PRMT3: variants seen among roughly 807,000 people sequenced by gnomAD.
PRMT3 encodes protein arginine N-methyltransferase 3.
PRMT3 carries 62 observed loss-of-function variants against 71.9 expected under a neutral mutation model. The observed-to-expected ratio is 0.86, with a 90% CI of 0.70 to 1.07. The LOEUF is 1.07. Ranked by LOEUF, PRMT3 falls within the 50% of genes least tolerant of loss-of-function variation. The pLI is 0.00. For synonymous variants in PRMT3, 213 were observed against 220.4 expected, an observed-to-expected ratio of 0.97 and a Z score of 0.30; for missense variants, 663 against 643.0, an observed-to-expected ratio of 1.03 and a Z score of -0.34.
intron 10 of PRMT3, among the ~76,000 whole-genome samples, chr11:20,446,399 A>G (rs1366619201): frequency 6.6e-6 from 1 of 151,478 alleles, no homozygotes; most frequent in East Asian, 1.9e-4. Context: ...GTGATGGAAA[A>G]TATACAAACG....
chr11:20,481,274 A>AAC (rs1034833944), intron 13 of PRMT3, among the ~76,000 whole-genome samples: 5 of 151,574 alleles, frequency 3.3e-5, no homozygotes, highest in Admixed American at 1.3e-4. Flanking sequence ...AAAAAAAAAA[A>AAC]AGTCTGAGAG....
Position 20,509,201 on chromosome 11 carries a change from T to G in PRMT3, c.*788T>G, listed in dbSNP as rs906462868. On this transcript the variant is annotated 3_prime_UTR_variant, in exon 16 of 16. Transcript: ENST00000331079. ...TAAACATGTAACTGTTACTAAGCAG[T>G]CTATAAAGTTGTCATTTACAATTAC... 6 of 152,194 alleles carry G rather than the reference T, an allele frequency of 3.9e-5. No homozygotes were observed. The highest frequency in any genetic ancestry group is 7.3e-5 in the Non-Finnish European group (5 of 68,028). The allele number at this position is 152,194 out of a possible 1,614,324, so 9.4% of individuals were successfully genotyped here.
At chr11:20,453,199 G>A (rs566623373) in intron 11 of PRMT3, among the ~76,000 whole-genome samples, 59 of 151,898 alleles carry the variant, frequency 3.9e-4, no homozygotes, top group Middle Eastern at 3.4e-3. Context: ...AAATCAGGCC[G>A]GCTGGGTGCA....
At chr11:20,399,900 A>G (rs1590034508) in intron 7 of PRMT3, among the ~76,000 whole-genome samples, 1 of 152,214 alleles carries the variant, frequency 6.6e-6, no homozygotes, top group East Asian at 1.9e-4. Flanking sequence ...AATCACTTAA[A>G]TATCATTCTT....
rs574479501 is a variant in PRMT3, at chr11:20,402,354, A to G, written c.706-565A>G. Among the ~76,000 whole-genome samples, 15 of 152,196 alleles carry G rather than the reference A, an allele frequency of 9.9e-5. No homozygotes were observed. In the East Asian group the frequency reaches 1.7e-3, roughly 18 times the overall value. On this transcript the variant is annotated intron_variant, in intron 7 of 15. Coordinates refer to ENST00000331079, the MANE Select transcript of PRMT3 (RefSeq NM_005788.4). ...GGCTGGTCTCGAACTCCTGACCTCA[A>G]GTGATCCTCTTGCCTCGGCCTCCCA...
At chr11:20,404,398 TA>T (rs1849027679) in intron 8 of PRMT3, among the ~76,000 whole-genome samples, 1 of 151,760 alleles carries the variant, frequency 6.6e-6, no homozygotes, top group Admixed American at 6.6e-5. Context: ...CACGCCCAGC[TA>T]ATTTTTGTAT....
intron 15 of PRMT3, among the ~76,000 whole-genome samples, 155 bp from the exon 16 acceptor site, chr11:20,508,149 T>TAAA (rs11338942): frequency 1.1e-4 from 14 of 122,856 alleles, no homozygotes; most frequent in African/African-American, 3.7e-4. Context: ...GACTCCATCT[T>TAAA]AAAAAAAAAA....
chr11:20,396,046 T>G, intron 6 of PRMT3, 84 bp downstream of exon 6: 1 of 1,242,580 alleles, frequency 8.0e-7, no homozygotes, highest in Non-Finnish European at 1.1e-6. Context: ...TAGTAGAACA[T>G]TTCATATACT....
chr11:20,481,870 CTG>C (rs925188352), intron 13 of PRMT3, among the ~76,000 whole-genome samples: 34 of 152,120 alleles, frequency 2.2e-4, no homozygotes, highest in African/African-American at 7.9e-4. Flanking sequence ...TTTTAAAAGT[CTG>C]TATTTTTTTC....
At chr11:20,453,318 T>TA (rs35130616) in intron 11 of PRMT3, among the ~76,000 whole-genome samples, 2,874 of 96,738 alleles carry the variant, frequency 0.03, 78 homozygotes, top group African/African-American at 0.086. Context: ...CCGTCTTTAC[T>TA]AAAAAAAAAA....
chr11:20,412,932 T>G (rs981426609), intron 9 of PRMT3, among the ~76,000 whole-genome samples: 1 of 152,122 alleles, frequency 6.6e-6, no homozygotes, highest in African/African-American at 2.4e-5. Context: ...AGTGAGACTC[T>G]GTTTCTATAG....
chr11:20,504,094 T>C (rs1001890829), intron 15 of PRMT3, among the ~76,000 whole-genome samples: 4 of 152,228 alleles, frequency 2.6e-5, no homozygotes, highest in African/African-American at 7.2e-5. Flanking sequence ...CATATGTGTA[T>C]TGGCCATTTT....
intron 9 of PRMT3, among the ~76,000 whole-genome samples, chr11:20,416,336 A>G (rs114534967): frequency 0.026 from 3,954 of 152,254 alleles, 165 homozygotes; most frequent in Admixed American, 0.12. Context: ...GACTACTATC[A>G]ACATTTTGGT....
chr11:20,406,607 A>G (rs977135588), intron 8 of PRMT3: 2 of 152,220 alleles, frequency 1.3e-5, no homozygotes, highest in African/African-American at 2.4e-5. Flanking sequence ...TGCTATTAAC[A>G]TAGGTATACA....
At chr11:20,441,472 AT>A (rs1203611626) in intron 10 of PRMT3, among the ~76,000 whole-genome samples, 2 of 150,970 alleles carry the variant, frequency 1.3e-5, no homozygotes, top group African/African-American at 2.4e-5. Flanking sequence ...TGCCCAGCTA[AT>A]TTTTTTTGTA....
chr11:20,429,392 G>A (rs1849609586), intron 10 of PRMT3, among the ~76,000 whole-genome samples: 1 of 152,158 alleles, frequency 6.6e-6, no homozygotes. Flanking sequence ...GTGTAGTCCA[G>A]TTCCTAACAG....
In PRMT3 at chr11:20,499,467, A is replaced by T. The variant is rs558099732; in HGVS notation, c.1486+5213A>T. Among the ~76,000 whole-genome samples, 3 of 152,242 alleles carry T rather than the reference A, an allele frequency of 2.0e-5. No individual in the cohort carries two copies. In the East Asian group the frequency reaches 5.8e-4, roughly 29 times the overall value. ...AAGACCCTGTCTCTAAAGAAAAAAAATTTTTTTTAATTAGCCAAGTGTGGT... is the reference window on the plus strand; with the variant it reads ...AAGACCCTGTCTCTAAAGAAAAAAATTTTTTTTTAATTAGCCAAGTGTGGT... On this transcript the variant is annotated intron_variant, in intron 15 of 15. Coordinates refer to ENST00000331079, the MANE Select transcript of PRMT3 (RefSeq NM_005788.4).
At chr11:20,495,625 A>G (rs113494027) in intron 15 of PRMT3, among the ~76,000 whole-genome samples, 10,535 of 152,254 alleles carry the variant, frequency 0.069, 515 homozygotes, top group Admixed American at 0.15. Context: ...ATCAGATTCT[A>G]TTTTTTATTT....
At chr11:20,452,564 A>G (rs530535895) in intron 11 of PRMT3, among the ~76,000 whole-genome samples, 4 of 152,222 alleles carry the variant, frequency 2.6e-5, no homozygotes, top group South Asian at 4.1e-4. Context: ...TCCCAATGGC[A>G]TATTTCATTC....
Sources: allele counts gnomAD v4.1 joint callset (sites outside exome capture counted in the v4.1 genomes callset), GRCh38; gene constraint gnomAD v4.1.1; transcripts MANE v1.5; gene names NCBI Gene and HGNC (gene_info 2026-07-23, HGNC 2026-07-21).